The following MACF1 variants were observed in gnomAD, a reference collection of about 807,000 sequenced individuals.
MACF1 encodes microtubule actin crosslinking factor 1, also known as microtubule-actin cross-linking factor 1.
A neutral mutation model predicts 854.8 loss-of-function variants in MACF1; 193 were observed. The observed-to-expected ratio is 0.23, with a 90% CI of 0.20 to 0.25. MACF1 has a LOEUF of 0.25. MACF1 is among the 10% of genes least tolerant of loss of function. The pLI, the probability that MACF1 is intolerant of heterozygous loss-of-function variation, is 1.00. For missense variants in MACF1, 7,722 were observed against 8,929.1 expected, an observed-to-expected ratio of 0.86 and a Z score of 5.45; for synonymous variants, 3,185 against 3,226.7, an observed-to-expected ratio of 0.99 and a Z score of 0.44.
chr1:39,386,151 A>G (rs974706365), intron 57 of MACF1, among the ~76,000 whole-genome samples: 43 of 152,194 alleles, frequency 2.8e-4, no homozygotes, highest in African/African-American at 8.7e-4. Flanking sequence ...TCCTAAAGAT[A>G]AAAGCTCTAA....
chr1:39,238,174 C>T (rs1256791639), intron 2 of MACF1, among the ~76,000 whole-genome samples: 1 of 152,130 alleles, frequency 6.6e-6, no homozygotes, highest in Non-Finnish European at 1.5e-5. Context: ...GAGAAATGTG[C>T]GTCTGTCCCT....
chr1:39,394,975 A>G (rs1339967121), intron 58 of MACF1, among the ~76,000 whole-genome samples: 2 of 152,004 alleles, frequency 1.3e-5, no homozygotes, highest in Non-Finnish European at 2.9e-5. Context: ...TCTTCCTTAA[A>G]CAAAGCTACT....
At chr1:39,099,173 G>A (rs1350914141) in intron 2 of MACF1, among the ~76,000 whole-genome samples, 1 of 151,996 alleles carries the variant, frequency 6.6e-6, no homozygotes, top group East Asian at 1.9e-4. Flanking sequence ...TCTTTTTTTT[G>A]AGATGGAGTT....
chr1:39,209,949 G>T (rs1327973332), intron 1 of MACF1, among the ~76,000 whole-genome samples: 1 of 152,090 alleles, frequency 6.6e-6, no homozygotes, highest in South Asian at 2.1e-4. Context: ...AATTAGCTGG[G>T]TGTGGTGGTG....
chr1:39,382,802 T>A (rs1452142701), intron 56 of MACF1, among the ~76,000 whole-genome samples: 2 of 152,080 alleles, frequency 1.3e-5, no homozygotes, highest in African/African-American at 4.8e-5. Context: ...AAAAAATTGA[T>A]TTAAGTGCCT....
chr1:39,443,643 CATA>C, intron 79 of MACF1, 69 bp downstream of exon 79: 1 of 1,446,844 alleles, frequency 6.9e-7, no homozygotes, highest in East Asian at 2.3e-5. Context: ...AGTTCACAGT[CATA>C]ATTAATATGT....
intron 58 of MACF1, chr1:39,411,255 G>T (rs188406793): frequency 3.3e-5 from 54 of 1,613,948 alleles, no homozygotes; most frequent in Non-Finnish European, 4.3e-5. Context: ...GGATTATGAT[G>T]GAGGCTGAGG....
At chr1:39,170,418 C>G (rs747377679) in intron 2 of MACF1, among the ~76,000 whole-genome samples, 1 of 152,270 alleles carries the variant, frequency 6.6e-6, no homozygotes, top group East Asian at 1.9e-4. Context: ...TGAGCACCTA[C>G]CATGTGTGCT....
At chr1:39,304,127 G>A (rs1033929391) in intron 23 of MACF1, among the ~76,000 whole-genome samples, 1 of 146,652 alleles carries the variant, frequency 6.8e-6, no homozygotes, top group Non-Finnish European at 1.5e-5. Context: ...CCATTAACTC[G>A]TCATTTACAT....
At chr1:39,422,323 G>A in intron 58 of MACF1, 51 bp from the exon 59 acceptor site, 2 of 1,474,502 alleles carry the variant, frequency 1.4e-6, no homozygotes, top group Non-Finnish European at 1.9e-6. Context: ...GCGTGGTATA[G>A]AGAGTCTAAT....
rs1645871564 is a variant in MACF1, at chr1:39,295,041, T to C, written c.2155-5T>C. On this transcript the variant is annotated splice_region_variant and splice_polypyrimidine_tract_variant and intron_variant, in intron 18 of 100. Coordinates refer to ENST00000564288, the MANE Select transcript of MACF1 (RefSeq NM_001394062.1). ...TTATGCTGTAAAATTGAATTCCATTTTCAGGAGTTGACAATGGAACTGGAG... is the reference window on the plus strand; with the variant it reads ...TTATGCTGTAAAATTGAATTCCATTCTCAGGAGTTGACAATGGAACTGGAG... 6.2e-7 allele frequency: 1 copy of C among 1,604,816 alleles called. No individual in the cohort carries two copies. Among genetic ancestry groups the C allele is most frequent in the Admixed American group, 1.7e-5 (1 of 60,004 alleles).
intron 42 of MACF1, among the ~76,000 whole-genome samples, chr1:39,350,267 A>G (rs1647149760): frequency 6.6e-6 from 1 of 152,198 alleles, no homozygotes; most frequent in Non-Finnish European, 1.5e-5. Context: ...AGGCTTATAT[A>G]TTGGTCTTGA....
chr1:39,424,870 T>C (rs1305714092), intron 61 of MACF1, among the ~76,000 whole-genome samples: 2 of 152,216 alleles, frequency 1.3e-5, no homozygotes, highest in African/African-American at 4.8e-5. Context: ...AGCTGATCAT[T>C]TGTTATTGTA....
intron 2 of MACF1, among the ~76,000 whole-genome samples, chr1:39,155,040 G>A (rs542874890): frequency 1.3e-5 from 2 of 152,268 alleles, no homozygotes; most frequent in East Asian, 1.9e-4. Flanking sequence ...GGACCCATTG[G>A]AGGATAAAAG....
chr1:39,434,422 A>G lies in MACF1; in HGVS notation c.17574A>G (p.Thr5858=). Residue 5858 remains threonine, a synonymous_variant, in exon 69 of 101, where the codon ACA becomes ACG. Coordinates refer to ENST00000564288, the MANE Select transcript of MACF1 (RefSeq NM_001394062.1). ...EEQKTVLQEK[T]ESLIQQYEAI... ...TTTTTTTGCTCACATAGGAAAAGACAGAGTCTCTAATACAGCAATATGAAG... is the reference window on the plus strand; with the variant it reads ...TTTTTTTGCTCACATAGGAAAAGACGGAGTCTCTAATACAGCAATATGAAG... The G allele has an allele frequency of 1.3e-6, 2 of 1,547,248 alleles. No homozygotes were observed. Among genetic ancestry groups the G allele is most frequent in the Non-Finnish European group, 1.8e-6 (2 of 1,138,926 alleles).
intron 6 of MACF1, among the ~76,000 whole-genome samples, chr1:39,258,332 C>T (rs902325561): frequency 1.3e-5 from 2 of 152,224 alleles, no homozygotes; most frequent in Non-Finnish European, 2.9e-5. Flanking sequence ...AAATGAGGCT[C>T]TTGAAGGACT....
intron 2 of MACF1, among the ~76,000 whole-genome samples, chr1:39,167,884 A>G (rs1251403959): frequency 5.1e-5 from 6 of 116,760 alleles, no homozygotes; most frequent in Non-Finnish European, 8.7e-5. Context: ...AAAAAAAAAA[A>G]AAAGAGAGAG....
intron 1 of MACF1, among the ~76,000 whole-genome samples, chr1:39,215,802 C>A (rs979003019): frequency 7.3e-6 from 1 of 136,848 alleles, no homozygotes; most frequent in Admixed American, 7.3e-5. Context: ...AGCAGACTGG[C>A]GGGAGGATGG....
intron 93 of MACF1, among the ~76,000 whole-genome samples, chr1:39,462,569 G>A (rs556473417): frequency 6.8e-6 from 1 of 148,100 alleles, no homozygotes; most frequent in African/African-American, 2.5e-5. Flanking sequence ...AAAAAAATTA[G>A]CCAGGTGTGG....
Sources: allele counts gnomAD v4.1 joint callset (sites outside exome capture counted in the v4.1 genomes callset), GRCh38; gene constraint gnomAD v4.1.1; transcripts MANE v1.5; gene names NCBI Gene and HGNC (gene_info 2026-07-23, HGNC 2026-07-21).